PIP5K1B: variants seen among roughly 807,000 people sequenced by gnomAD.
PIP5K1B encodes the protein phosphatidylinositol-4-phosphate 5-kinase type 1 beta, also known as phosphatidylinositol 4-phosphate 5-kinase type-1 beta.
In PIP5K1B, 42 loss-of-function variants were observed where a neutral mutation model predicts 67.0. The observed-to-expected ratio is 0.63, with a 90% CI of 0.49 to 0.81. The LOEUF is 0.81. PIP5K1B is among the 30% of genes least tolerant of loss of function. The probability of loss-of-function intolerance (pLI) is 0.00; values close to 1 mark genes in which losing one functional copy is unlikely to be tolerated. For synonymous variants in PIP5K1B, 214 were observed against 231.4 expected (o/e 0.92, Z 0.68); for missense variants, 459 against 646.3 (o/e 0.71, Z 3.14).
At chr9:68,915,101 C>T (rs1386959969) in intron 8 of PIP5K1B, among the ~76,000 whole-genome samples, 1 of 152,106 alleles carries the variant, frequency 6.6e-6, no homozygotes, top group Non-Finnish European at 1.5e-5. Flanking sequence ...TTTACAAGCA[C>T]CCTATATGAT....
At chr9:68,937,413 G>C (rs1827321301) in intron 13 of PIP5K1B, among the ~76,000 whole-genome samples, 1 of 152,164 alleles carries the variant, frequency 6.6e-6, no homozygotes. Flanking sequence ...AGTATTCTCT[G>C]ATGGTAGTTT....
chr9:68,715,938 C>A (rs970703776), intron 1 of PIP5K1B, among the ~76,000 whole-genome samples: 5 of 152,164 alleles, frequency 3.3e-5, no homozygotes, highest in Non-Finnish European at 5.9e-5. Flanking sequence ...TAAAATATTT[C>A]TGGAAGAATA....
intron 2 of PIP5K1B, among the ~76,000 whole-genome samples, chr9:68,786,985 T>C (rs1326756935): frequency 6.6e-6 from 1 of 152,224 alleles, no homozygotes; most frequent in African/African-American, 2.4e-5. Flanking sequence ...CAGCCATGTC[T>C]ACCTTCATGG....
In PIP5K1B at chr9:68,779,181, A is replaced by C. The variant is rs570260613; in HGVS notation, c.-86+36524A>C. Among the ~76,000 whole-genome samples, 14 of 152,296 alleles carry C rather than the reference A, an allele frequency of 9.2e-5. No homozygotes were observed. In the South Asian group the frequency reaches 1.0e-3, roughly 11 times the overall value. On this transcript the variant is annotated intron_variant, in intron 2 of 15. Coordinates refer to ENST00000265382, the MANE Select transcript of PIP5K1B (RefSeq NM_003558.4). ...TAAATGAACAAATAAACTCACTTTT[A>C]ATGAGATATCAAGGTTTTATATTAA...
chr9:68,969,476 A>C (rs558519846), intron 14 of PIP5K1B, among the ~76,000 whole-genome samples: 11 of 152,048 alleles, frequency 7.2e-5, no homozygotes, highest in Non-Finnish European at 1.2e-4. Flanking sequence ...TTGTGTCATC[A>C]TTTGATCGCA....
In PIP5K1B at chr9:68,993,306, A is replaced by C. The variant is rs1830462371; in HGVS notation, c.1620+2049A>C. ...GGTGTTCCTCTCACAGACCAAGCAC[A>C]TCTCTGCCTTGGGACTTTTGTGTTT... On this transcript the variant is annotated intron_variant, in intron 15 of 15. Transcript: ENST00000265382. 3.3e-5 allele frequency among the ~76,000 whole-genome samples: 5 copies of C among 151,994 alleles called. No individual in the cohort carries two copies. The South Asian group carries it at 1.0e-3, about 31-fold the overall frequency.
At chr9:68,782,665 C>G (rs1230237964) in intron 2 of PIP5K1B, 1 of 167,074 alleles carries the variant, frequency 6.0e-6, no homozygotes, top group Non-Finnish European at 1.5e-5. Context: ...GAGGGTAAGA[C>G]TGTGTCCACA....
intron 8 of PIP5K1B, among the ~76,000 whole-genome samples, chr9:68,906,986 T>C (rs1308996257): frequency 6.6e-6 from 1 of 152,200 alleles, no homozygotes; most frequent in Admixed American, 6.5e-5. Context: ...GAAAAAGCAG[T>C]GATTCCAGAT....
At chr9:69,000,378 A>G (rs1587787704) in intron 15 of PIP5K1B, among the ~76,000 whole-genome samples, 1 of 152,276 alleles carries the variant, frequency 6.6e-6, no homozygotes, top group East Asian at 1.9e-4. Flanking sequence ...GTTTTTTTAA[A>G]GACTTCCTAA....
chr9:68,781,974 A>G, intron 2 of PIP5K1B: 1 of 167,174 alleles, frequency 6.0e-6, no homozygotes, highest in Non-Finnish European at 1.5e-5. Flanking sequence ...TAAAATATTC[A>G]GTTGTGCCTC....
At chr9:68,892,898 C>T (rs1824870468) in intron 7 of PIP5K1B, among the ~76,000 whole-genome samples, 1 of 152,014 alleles carries the variant, frequency 6.6e-6, no homozygotes, top group Non-Finnish European at 1.5e-5. Context: ...TATAGTGAAA[C>T]CCTGTCTCTA....
intron 14 of PIP5K1B, among the ~76,000 whole-genome samples, chr9:68,955,628 G>A (rs994639293): frequency 5.3e-5 from 8 of 152,200 alleles, no homozygotes; most frequent in East Asian, 1.9e-4. Flanking sequence ...ACCAGAGCAT[G>A]GCACTTCTTT....
chr9:68,971,694 G>A (rs1829379236), intron 14 of PIP5K1B, among the ~76,000 whole-genome samples: 2 of 152,184 alleles, frequency 1.3e-5, no homozygotes, highest in Admixed American at 1.3e-4. Flanking sequence ...ATTCTAACTG[G>A]CGTGAGATGG....
chr9:68,837,611 T>TC (rs1564173555), intron 4 of PIP5K1B, among the ~76,000 whole-genome samples: 8 of 129,578 alleles, frequency 6.2e-5, no homozygotes, highest in Non-Finnish European at 1.3e-4. Flanking sequence ...CTTTGTGTTT[T>TC]TTTTTTTTTT....
intron 6 of PIP5K1B, among the ~76,000 whole-genome samples, chr9:68,882,892 G>T (rs1204859355): frequency 6.6e-6 from 1 of 152,106 alleles, no homozygotes; most frequent in African/African-American, 2.4e-5. Flanking sequence ...GTGTCTCTTT[G>T]GATCACCCTG....
intron 3 of PIP5K1B, among the ~76,000 whole-genome samples, chr9:68,819,846 C>A (rs1259071301): frequency 6.6e-6 from 1 of 152,080 alleles, no homozygotes; most frequent in Non-Finnish European, 1.5e-5. Flanking sequence ...ATGAATAACT[C>A]TTGAATCCAG....
intron 8 of PIP5K1B, among the ~76,000 whole-genome samples, chr9:68,905,543 A>G (rs1486825953): frequency 2.6e-5 from 4 of 152,174 alleles, no homozygotes. Flanking sequence ...CAGAGATTTA[A>G]GGCATATTTG....
intron 4 of PIP5K1B, among the ~76,000 whole-genome samples, chr9:68,851,798 A>G (rs76095608): frequency 2.0e-5 from 3 of 152,206 alleles, no homozygotes; most frequent in African/African-American, 7.2e-5. Context: ...CCAAAACAGT[A>G]ACTGGTCCAC....
At chr9:68,952,195 C>T (rs760201229) in intron 14 of PIP5K1B, among the ~76,000 whole-genome samples, 97 of 152,296 alleles carry the variant, frequency 6.4e-4, no homozygotes, top group Non-Finnish European at 1.6e-4. Flanking sequence ...CCTTGTTCTT[C>T]GGTTTGCTTA....
Sources: gnomAD v4.1 joint callset for allele counts (sites outside exome capture counted in the v4.1 genomes callset) on GRCh38, gnomAD v4.1.1 for gene constraint, MANE v1.5 for transcripts, NCBI Gene and HGNC (gene_info 2026-07-23, HGNC 2026-07-21) for gene names.